The following CHST10 variants were observed in gnomAD, a reference collection of about 807,000 sequenced individuals.
CHST10 encodes the protein HNK-1 sulfotransferase.
In CHST10, 24 loss-of-function variants were observed where a neutral mutation model predicts 34.7. The observed-to-expected ratio is 0.69, with a 90% confidence interval of 0.50 to 0.97. The LOEUF is 0.97. Among genes scored for constraint, CHST10 ranks in the 50% least tolerant of loss-of-function variants. CHST10 has a pLI of 0.00. For synonymous variants in CHST10, 161 were observed against 169.3 expected, an observed-to-expected ratio of 0.95 and a Z score of 0.38; for missense variants, 402 against 452.1, an observed-to-expected ratio of 0.89 and a Z score of 1.00.
chr2:100,397,615 G>T (rs1245174751), intron 5 of CHST10, among the ~76,000 whole-genome samples: 2 of 152,236 alleles, frequency 1.3e-5, no homozygotes, highest in African/African-American at 4.8e-5. Context: ...AAGAGACAAA[G>T]GAGGGGGGCC....
chr2:100,410,164 G>T (rs1675769956), intron 2 of CHST10, among the ~76,000 whole-genome samples: 1 of 152,252 alleles, frequency 6.6e-6, no homozygotes, highest in African/African-American at 2.4e-5. Context: ...CACAGAGCCT[G>T]TGGGCAGTCA....
chr2:100,396,422 T>C (rs1333552184), intron 5 of CHST10, among the ~76,000 whole-genome samples: 1 of 152,196 alleles, frequency 6.6e-6, no homozygotes, highest in East Asian at 1.9e-4. Context: ...ATGCTGAGGT[T>C]TTCTCCAAGT....
intron 3 of CHST10, among the ~76,000 whole-genome samples, chr2:100,405,294 C>G (rs1675520794): frequency 6.6e-6 from 1 of 152,224 alleles, no homozygotes; most frequent in Non-Finnish European, 1.5e-5. Flanking sequence ...CGAGGCTGTG[C>G]AGACCTCACA....
In CHST10 at chr2:100,392,945, C is replaced by T. The variant is rs530384678; in HGVS notation, c.*300G>A. 2 of 378,018 alleles carry T rather than the reference C, an allele frequency of 5.3e-6. No individual in the cohort carries two copies. Among genetic ancestry groups the T allele is most frequent in the Admixed American group, 8.0e-5 (2 of 25,150 alleles). The allele number at this position is 378,018 out of a possible 1,614,324, so 23.4% of individuals were successfully genotyped here. The stretch of plus-strand genomic sequence containing the variant: ...CTCCTAACGCTGTGTGATGCTTCCT[C>T]CCTGCTGGGCTGTCAAACTGCAAAT... On this transcript the variant is annotated 3_prime_UTR_variant, in exon 7 of 7. Coordinates refer to ENST00000264249, the MANE Select transcript of CHST10 (RefSeq NM_004854.5).
In CHST10 at chr2:100,392,929, C is replaced by A; in HGVS notation, c.*316G>T. On this transcript the variant is annotated 3_prime_UTR_variant, in exon 7 of 7. Transcript: ENST00000264249. ...CACCTGAAGGAAACGGCTCCTAACG[C>A]TGTGTGATGCTTCCTCCCTGCTGGG... 1 of 343,240 alleles carries A rather than the reference C, an allele frequency of 2.9e-6. No homozygotes were observed. Among genetic ancestry groups the A allele is most frequent in the Non-Finnish European group, 5.4e-6 (1 of 184,488 alleles). 21.3% of individuals were successfully genotyped at this position (343,240 alleles called of 1,614,324 possible).
chr2:100,417,135 T>C, intron 1 of CHST10: 2 of 1,098,460 alleles, frequency 1.8e-6, no homozygotes, highest in Non-Finnish European at 2.5e-6. Context: ...TCGCACAATA[T>C]CAATAATTCC....
intron 4 of CHST10, among the ~76,000 whole-genome samples, chr2:100,400,329 T>C (rs1293705065): frequency 6.6e-6 from 1 of 152,198 alleles, no homozygotes; most frequent in Non-Finnish European, 1.5e-5. Context: ...AGCCTCCAAC[T>C]CCTGGGCTCA....
intron 2 of CHST10, 70 bp from the exon 3 acceptor site, chr2:100,406,777 A>C (rs1675598786): frequency 5.1e-6 from 8 of 1,568,214 alleles, no homozygotes; most frequent in Non-Finnish European, 6.9e-6. Flanking sequence ...AATGAAAACG[A>C]CAGGTGATTT....
chr2:100,409,183 C>T (rs971832146), intron 2 of CHST10, among the ~76,000 whole-genome samples: 4 of 152,162 alleles, frequency 2.6e-5, no homozygotes, highest in Admixed American at 6.5e-5. Flanking sequence ...CACCCTCGCC[C>T]GGCCTCAGGA....
chr2:100,414,507 C>T (rs1675982982), intron 2 of CHST10, among the ~76,000 whole-genome samples: 1 of 152,162 alleles, frequency 6.6e-6, no homozygotes, highest in South Asian at 2.1e-4. Context: ...TTCTGAACTA[C>T]AATGCATTAC....
intron 1 of CHST10, chr2:100,415,718 T>G (rs746104690): frequency 1.3e-5 from 2 of 152,296 alleles, no homozygotes; most frequent in Non-Finnish European, 2.9e-5. Context: ...TCCTATTATG[T>G]TGATTGAAAG....
intron 2 of CHST10, among the ~76,000 whole-genome samples, chr2:100,412,034 C>T (rs1372293724): frequency 6.6e-6 from 1 of 152,202 alleles, no homozygotes; most frequent in Non-Finnish European, 1.5e-5. Flanking sequence ...TCTTTGCAAG[C>T]AATGGGAGCC....
chr2:100,392,074 G>A lies in CHST10; in HGVS notation c.*1171C>T, dbSNP rs1051957487. ...GGACGGTATCTGAAATGGTCGCTGC[G>A]GCTTGCCCTGCACCAGGGCCTACCT... On this transcript the variant is annotated 3_prime_UTR_variant, in exon 7 of 7. Coordinates refer to ENST00000264249, the MANE Select transcript of CHST10 (RefSeq NM_004854.5). The A allele has an allele frequency of 7.9e-5, 12 of 152,778 alleles. No individual in the cohort carries two copies. The highest frequency in any genetic ancestry group is 2.2e-4 in the African/African-American group (9 of 41,558). 9.5% of individuals were successfully genotyped at this position (152,778 alleles called of 1,614,324 possible).
chr2:100,397,516 C>T (rs1675114896), intron 5 of CHST10, among the ~76,000 whole-genome samples: 1 of 152,158 alleles, frequency 6.6e-6, no homozygotes, highest in African/African-American at 2.4e-5. Context: ...GAGAGGGTGA[C>T]CGTGAGGCTT....
At position 100,393,050 on chromosome 2, in the gene CHST10, G is replaced by A; in HGVS notation, c.*195C>T. ...CGCAGGGGTGTGGGCAGGGTCCTCA[G>A]AGCATCTTACATCCAAACTAAGTTG... On this transcript the variant is annotated 3_prime_UTR_variant, in exon 7 of 7. Transcript: ENST00000264249. The A allele has an allele frequency of 1.6e-6, 1 of 618,548 alleles. No individual in the cohort carries two copies. Among genetic ancestry groups the A allele is most frequent in the Non-Finnish European group, 2.8e-6 (1 of 353,984 alleles). 38.3% of individuals were successfully genotyped at this position (618,548 alleles called of 1,614,324 possible). A position where few individuals can be genotyped will look rare whatever the true frequency, so the allele number is the denominator to read the frequency against.
Position 100,397,946 on chromosome 2 carries a change from C to A in CHST10, c.389G>T (p.Gly130Val), listed in dbSNP as rs1329970478. The change falls in exon 5 of 7, where the codon GGC (glycine) becomes GTC (valine). Residue 130 changes from glycine to valine, a missense_variant. Physicochemically the swap from Gly to Val is moderately radical, Grantham distance 109. Coordinates refer to ENST00000264249, the MANE Select transcript of CHST10 (RefSeq NM_004854.5). ...CAGCACTTTCTTCCACTGGGTGTTG[C>A]CCACTTTGGGAGTCTGGCAGAAAAG... The part of the protein sequence containing the change: ...KILFCQTPKV[G>V]NTQWKKVLIV... The A allele has an allele frequency of 2.5e-6, 4 of 1,613,946 alleles. No individual in the cohort carries two copies. The highest frequency in any genetic ancestry group is 3.4e-6 in the Non-Finnish European group (4 of 1,179,918).
At chr2:100,403,989 AG>A (rs1339109990) in intron 3 of CHST10, among the ~76,000 whole-genome samples, 12 of 152,212 alleles carry the variant, frequency 7.9e-5, no homozygotes, top group Admixed American at 5.9e-4. Context: ...TGACGCCTGC[AG>A]GGGCAGGCTC....
At chr2:100,395,133 G>A (rs1674993639) in intron 6 of CHST10, among the ~76,000 whole-genome samples, 1 of 152,122 alleles carries the variant, frequency 6.6e-6, no homozygotes, top group Non-Finnish European at 1.5e-5. Flanking sequence ...CAATGCCTCT[G>A]GGAGAATCAA....
chr2:100,410,693 A>C (rs1349735110), intron 2 of CHST10, among the ~76,000 whole-genome samples: 1 of 152,218 alleles, frequency 6.6e-6, no homozygotes, highest in African/African-American at 2.4e-5. Flanking sequence ...ACTAGAAAAC[A>C]ACCAAATGCT....
Sources: gnomAD v4.1 joint callset for allele counts (sites outside exome capture counted in the v4.1 genomes callset) on GRCh38, gnomAD v4.1.1 for gene constraint, MANE v1.5 for transcripts, NCBI Gene and HGNC (gene_info 2026-07-23, HGNC 2026-07-21) for gene names.